CLYBL: variants seen among roughly 807,000 people sequenced by gnomAD.
CLYBL encodes citramalyl-CoA lyase, also known as citramalyl-CoA lyase, mitochondrial.
A neutral mutation model predicts 38.9 loss-of-function variants in CLYBL; 31 were observed. The ratio of observed to expected loss-of-function variants is 0.80; its 90% CI spans 0.60 to 1.08. The LOEUF (loss-of-function observed/expected upper bound fraction) is 1.08. CLYBL is among the 50% of genes least tolerant of loss of function. CLYBL has a pLI of 0.00. For missense variants in CLYBL, 434 were observed against 411.6 expected (o/e 1.05, Z -0.47); for synonymous variants, 171 against 158.6 (o/e 1.08, Z -0.59).
At chr13:99,817,034 T>C (rs762755415) in intron 2 of CLYBL, among the ~76,000 whole-genome samples, 1 of 152,182 alleles carries the variant, frequency 6.6e-6, no homozygotes, top group African/African-American at 2.4e-5. Flanking sequence ...TGTAATTATG[T>C]AGGCTTTCAC....
chr13:99,647,163 A>G (rs2047188999), intron 1 of CLYBL, among the ~76,000 whole-genome samples: 2 of 152,224 alleles, frequency 1.3e-5, no homozygotes, highest in Non-Finnish European at 2.9e-5. Flanking sequence ...AAGAAAGATC[A>G]CAAGAAGTTT....
At chr13:99,704,109 TC>T (rs2048110795) in intron 1 of CLYBL, among the ~76,000 whole-genome samples, 1 of 152,170 alleles carries the variant, frequency 6.6e-6, no homozygotes, top group Non-Finnish European at 1.5e-5. Context: ...GAAGGAGACT[TC>T]TTTATATTGT....
intron 2 of CLYBL, among the ~76,000 whole-genome samples, chr13:99,829,166 G>A (rs1279121239): frequency 2.0e-5 from 3 of 152,244 alleles, no homozygotes; most frequent in African/African-American, 7.2e-5. Context: ...ACAGGACAGA[G>A]ATTTGAAATT....
intron 2 of CLYBL, among the ~76,000 whole-genome samples, chr13:99,782,351 A>G (rs2049675474): frequency 6.6e-6 from 1 of 152,132 alleles, no homozygotes; most frequent in African/African-American, 2.4e-5. Context: ...TACTGAAAAT[A>G]TAAACATTAG....
intron 1 of CLYBL, among the ~76,000 whole-genome samples, chr13:99,644,099 TTATATGTGGTGTATGTATG>T (rs879895021): frequency 0.024 from 3,662 of 150,318 alleles, 108 homozygotes; most frequent in Middle Eastern, 0.072. Context: ...TTTTGGTTTT[TTATATGTGGTGTATGTATG>T]TATATGTGGT....
intron 7 of CLYBL, among the ~76,000 whole-genome samples, chr13:99,887,660 G>A (rs1432000634): frequency 1.3e-5 from 2 of 152,306 alleles, no homozygotes; most frequent in South Asian, 2.1e-4. Context: ...GGCTGAGGCA[G>A]GAGGATGGCC....
rs2051738633 is a variant in CLYBL at position 99,866,223 on chromosome 13, TA to T, written c.635-15del. ...CAAAGTTAAAGCCTCCTTTTTCTGT[TA>T]ACATCCCATTTTCAGGTGCAACAAG... On this transcript the variant is annotated splice_polypyrimidine_tract_variant and intron_variant, in intron 5 of 8. Coordinates refer to ENST00000339105, the MANE Select transcript of CLYBL (RefSeq NM_206808.5). The T allele has an allele frequency of 6.2e-7, 1 of 1,612,176 alleles. No individual in the cohort carries two copies. The highest frequency in any genetic ancestry group is 1.3e-5 in the African/African-American group (1 of 74,750).
intron 1 of CLYBL, among the ~76,000 whole-genome samples, chr13:99,637,527 G>A (rs905254053): frequency 6.6e-6 from 1 of 152,176 alleles, no homozygotes; most frequent in Admixed American, 6.5e-5. Flanking sequence ...TTGGGAGGCC[G>A]AGGCGGGTGG....
chr13:99,838,832 G>C (rs1816351705), intron 2 of CLYBL, among the ~76,000 whole-genome samples: 1 of 151,954 alleles, frequency 6.6e-6, no homozygotes, highest in Admixed American at 6.6e-5. Context: ...GTAGAGACAG[G>C]GTTTCACTGT....
At chr13:99,693,499 TG>T (rs1480691259) in intron 1 of CLYBL, among the ~76,000 whole-genome samples, 1 of 152,156 alleles carries the variant, frequency 6.6e-6, no homozygotes, top group Non-Finnish European at 1.5e-5. Flanking sequence ...TTATCTGCTG[TG>T]GGACCTTCAC....
chr13:99,674,389 A>T (rs904004555), intron 1 of CLYBL, among the ~76,000 whole-genome samples: 4 of 151,930 alleles, frequency 2.6e-5, no homozygotes, highest in Non-Finnish European at 5.9e-5. Context: ...TGACCTCGTG[A>T]TCTGCCCATC....
rs2052372995 is a variant in CLYBL, at chr13:99,887,245, C to CA, written c.928-4073_928-4072insA. On this transcript the variant is annotated intron_variant, in intron 7 of 8. Transcript: ENST00000339105. ...AATCTGCATTTTAACAAGTCCCCCC[C>CA]GCCCATTGTTCTGATTCAGGGGGTC... Among the ~76,000 whole-genome samples, 3 of 152,250 alleles carry CA rather than the reference C, an allele frequency of 2.0e-5. No homozygotes were observed. In the South Asian group the frequency reaches 6.2e-4, roughly 32 times the overall value.
At chr13:99,866,448 G>C (rs1315946567) in intron 6 of CLYBL, 41 bp downstream of exon 6, 1 of 1,575,172 alleles carries the variant, frequency 6.3e-7, no homozygotes, top group Admixed American at 1.9e-5. Context: ...AAATTAGCAA[G>C]CATTCCAGAA....
At chr13:99,676,240 T>C (rs11840697) in intron 1 of CLYBL, among the ~76,000 whole-genome samples, 2,625 of 83,952 alleles carry the variant, frequency 0.031, 84 homozygotes, top group African/African-American at 0.11. Flanking sequence ...TTCCTTCCTT[T>C]CCTCCCTTTC....
chr13:99,787,333 G>T (rs1594182916), intron 2 of CLYBL, among the ~76,000 whole-genome samples: 1 of 152,122 alleles, frequency 6.6e-6, no homozygotes, highest in Admixed American at 6.5e-5. Flanking sequence ...ATGGTTTTAG[G>T]TCTAACATTT....
chr13:99,653,747 C>T (rs2039933), intron 1 of CLYBL, among the ~76,000 whole-genome samples: 38,665 of 151,936 alleles, frequency 0.25, 6,020 homozygotes, highest in East Asian at 0.58. Context: ...TCTCCCAGGA[C>T]GCTGACAGTG....
chr13:99,879,416 T>A (rs1035971947), intron 7 of CLYBL, among the ~76,000 whole-genome samples: 1 of 152,202 alleles, frequency 6.6e-6, no homozygotes, highest in Non-Finnish European at 1.5e-5. Context: ...CCTTTTCTGG[T>A]CCATCATCTG....
intron 1 of CLYBL, among the ~76,000 whole-genome samples, chr13:99,699,673 A>G (rs538645784): frequency 4.7e-5 from 7 of 148,888 alleles, no homozygotes; most frequent in African/African-American, 1.7e-4. Flanking sequence ...AGCCTGGGTG[A>G]CAGACCAAGA....
intron 1 of CLYBL, among the ~76,000 whole-genome samples, chr13:99,711,051 C>A (rs1324772222): frequency 6.6e-6 from 1 of 151,896 alleles, no homozygotes; most frequent in Non-Finnish European, 1.5e-5. Flanking sequence ...CCACACCCAG[C>A]TGATTTTTGT....
Sources: allele counts gnomAD v4.1 joint callset (sites outside exome capture counted in the v4.1 genomes callset), GRCh38; gene constraint gnomAD v4.1.1; transcripts MANE v1.5; gene names NCBI Gene and HGNC (gene_info 2026-07-23, HGNC 2026-07-21).